Variants in ACADVL observed in about 807,000 individuals in gnomAD.
The protein encoded by ACADVL is acyl-CoA dehydrogenase very long chain.
In ACADVL, 73 loss-of-function variants were observed where a neutral mutation model predicts 80.4. That is an observed-to-expected ratio of 0.91 (90% confidence interval 0.75 to 1.10). The LOEUF (loss-of-function observed/expected upper bound fraction) is 1.10, where lower values mean the gene tolerates loss of function less well. Ranked by LOEUF, ACADVL falls within the 50% of genes least tolerant of loss-of-function variation. ACADVL has a pLI of 0.00. For missense variants in ACADVL, 878 were observed against 858.9 expected (o/e 1.02, Z -0.28); for synonymous variants, 392 against 326.5 (o/e 1.20, Z -2.16).
At chr17:7,218,610 G>T, upstream of ACADVL, 1 of 1,565,722 alleles carries the variant, frequency 6.4e-7, no homozygotes, top group Non-Finnish European at 8.7e-7. Context: ...AGCAGTGGGG[G>T]TGCCAGGAGC....
chr17:7,224,610 C>CCG, intron 17 of ACADVL, 32 bp from the exon 18 acceptor site: 1 of 920,228 alleles, frequency 1.1e-6, no homozygotes, highest in Non-Finnish European at 1.6e-6. Flanking sequence ...ACTAATGCCC[C>CCG]CACCCCCACC....
chr17:7,220,004 C>A lies in ACADVL; in HGVS notation c.20C>A (p.Ala7Asp), dbSNP rs2142959240. ...TCGGAGATGCAGGCGGCTCGGATGG[C>A]CGCGAGCTTGGGGCGGCAGCTGCTG... MQAARM[A>D]ASLGRQLLRL... is the part of the protein sequence containing the mutation. Residue 7 changes from alanine (A) to aspartate (D), a missense_variant, in exon 1 of 20, where the codon GCC becomes GAC. Coordinates refer to ENST00000356839, the MANE Select transcript of ACADVL (RefSeq NM_000018.4). 1 of 1,603,890 alleles carries A rather than the reference C, an allele frequency of 6.2e-7. No homozygotes were observed. The highest frequency in any genetic ancestry group is 8.5e-7 in the Non-Finnish European group (1 of 1,178,458).
rs2071298960 is a variant in ACADVL at position 7,222,878 on chromosome 17, C to T, written c.1077+13C>T. The T allele has an allele frequency of 6.2e-7, 1 of 1,609,774 alleles. No homozygotes were observed. Reference sequence around the variant, plus strand: ...CATTGCTAAGGCGGTGAGTACCCTGCCCGAGTCCCTAGGTAACCCAAACAG... The same window carrying T: ...CATTGCTAAGGCGGTGAGTACCCTGTCCGAGTCCCTAGGTAACCCAAACAG... On this transcript the variant is annotated intron_variant, in intron 10 of 19. Coordinates refer to ENST00000356839, the MANE Select transcript of ACADVL (RefSeq NM_000018.4).
At chr17:7,220,294 C>T (rs1183046359) in intron 2 of ACADVL, 97 bp downstream of exon 2, 4 of 1,500,022 alleles carry the variant, frequency 2.7e-6, no homozygotes, top group Non-Finnish European at 3.6e-6. Flanking sequence ...CAGGTACCTG[C>T]CTACTGCTCA....
At chr17:7,217,367 T>G (rs954286284), upstream of ACADVL, 10 of 124,088 alleles carry the variant, frequency 8.1e-5, no homozygotes, top group Admixed American at 2.9e-4. Flanking sequence ...GGCTCCCCAG[T>G]GGAGGGGAGG....
chr17:7,219,464 C>T (rs2071081142), upstream of ACADVL: 1 of 1,037,106 alleles, frequency 9.6e-7, no homozygotes, highest in African/African-American at 1.7e-5. Context: ...GAAGAATACA[C>T]TTAGGGTACT....
chr17:7,221,497 C>A, intron 6 of ACADVL, 41 bp from the exon 7 acceptor site: 1 of 1,612,484 alleles, frequency 6.2e-7, no homozygotes, highest in Non-Finnish European at 8.5e-7. Flanking sequence ...TCAGGTCCCC[C>A]TGCAGCCAGT....
upstream of ACADVL, chr17:7,218,713 C>T: frequency 6.5e-7 from 1 of 1,541,166 alleles, no homozygotes; most frequent in Non-Finnish European, 8.9e-7. Flanking sequence ...CACTTCATCT[C>T]CCCAGACTGT....
At chr17:7,221,912 C>G (rs748338462) in intron 7 of ACADVL, 40 bp from the exon 8 acceptor site, 2 of 1,613,728 alleles carry the variant, frequency 1.2e-6, no homozygotes, top group South Asian at 2.2e-5. Flanking sequence ...GACTTTGAAG[C>G]TCATCAGAAC....
chr17:7,220,837 A>G lies in ACADVL; in HGVS notation c.342+7A>G. ...TGTGTCCCGTTTCTTCGAGGTAAGGAATGACTCGGGGCTTGGTCCCTGGTG... is the reference window on the plus strand; with the variant it reads ...TGTGTCCCGTTTCTTCGAGGTAAGGGATGACTCGGGGCTTGGTCCCTGGTG... On this transcript the variant is annotated splice_region_variant and intron_variant, in intron 5 of 19. Transcript: ENST00000356839. The G allele has an allele frequency of 1.2e-6, 2 of 1,614,064 alleles. No individual in the cohort carries two copies. The highest frequency in any genetic ancestry group is 1.7e-6 in the Non-Finnish European group (2 of 1,180,022).
chr17:7,222,987 C>G (rs1190416210), intron 10 of ACADVL, 122 bp downstream of exon 10: 1 of 1,452,210 alleles, frequency 6.9e-7, no homozygotes. Flanking sequence ...ACCAGCAGCC[C>G]GACTTGCTAG....
Position 7,224,837 on chromosome 17 carries a change from C to T in ACADVL, c.1780C>T (p.Pro594Ser). Reference sequence around the variant, plus strand: ...CTCAAGATCCCTGAGTGAGGGCCACCCCACGGCCCAGCATGAGAAAATGCT... The same window carrying T: ...CTCAAGATCCCTGAGTGAGGGCCACTCCACGGCCCAGCATGAGAAAATGCT... ...RASRSLSEGH[P>S]TAQHEKMLCD... The change falls in exon 19 of 20, where the codon CCC (proline) becomes TCC (serine). Residue 594 changes from proline (P) to serine (S), a missense_variant. Transcript: ENST00000356839. The T allele has an allele frequency of 6.2e-7, 1 of 1,614,050 alleles. No individual in the cohort carries two copies. The highest frequency in any genetic ancestry group is 8.5e-7 in the Non-Finnish European group (1 of 1,180,016).
At chr17:7,218,092 C>T, upstream of ACADVL, 1 of 721,046 alleles carries the variant, frequency 1.4e-6, no homozygotes, top group Non-Finnish European at 2.3e-6. Context: ...ACAGAGAGTG[C>T]ATTCTCGGTG....
In ACADVL at chr17:7,222,427, T is replaced by C. The variant is rs2071275798; in HGVS notation, c.878+125T>C. 3.5e-6 allele frequency: 5 copies of C among 1,415,230 alleles called. No homozygotes were observed. In the South Asian group the frequency reaches 6.8e-5, roughly 19 times the overall value. The allele number at this position is 1,415,230 out of a possible 1,614,324, so 87.7% of individuals were successfully genotyped here. ...CAAAGCAGGTGGACTGAATGTGGCCTTTGGGACTAATATGTATGCAACTGA... is the reference window on the plus strand; with the variant it reads ...CAAAGCAGGTGGACTGAATGTGGCCCTTGGGACTAATATGTATGCAACTGA... On this transcript the variant is annotated intron_variant, in intron 9 of 19. Transcript: ENST00000356839.
upstream of ACADVL, chr17:7,217,924 G>A (rs2071010325): frequency 4.5e-6 from 5 of 1,115,636 alleles, no homozygotes; most frequent in South Asian, 2.8e-5. Flanking sequence ...TAGGGGGTCG[G>A]GTGTGAGGGA....
upstream of ACADVL, chr17:7,218,856 C>T (rs776152957): frequency 4.3e-6 from 7 of 1,613,670 alleles, no homozygotes; most frequent in Admixed American, 3.3e-5. Flanking sequence ...ACATCTCTCT[C>T]TTCTCTCACT....
intron 7 of ACADVL, 73 bp downstream of exon 7, chr17:7,221,755 T>C (rs2071239437): frequency 1.2e-6 from 2 of 1,608,638 alleles, no homozygotes; most frequent in Non-Finnish European, 1.7e-6. Flanking sequence ...AGTTGGCACT[T>C]AGATTATCAG....
At chr17:7,222,406 G>A in intron 9 of ACADVL, 104 bp downstream of exon 9, 1 of 1,508,744 alleles carries the variant, frequency 6.6e-7, no homozygotes, top group South Asian at 1.2e-5. Context: ...AAAAGCCAAA[G>A]CAGGTGGACT....
chr17:7,218,945 C>G, upstream of ACADVL: 1 of 1,364,812 alleles, frequency 7.3e-7, no homozygotes, highest in Non-Finnish European at 1.0e-6. Context: ...AGTAGGCCGT[C>G]TCTGAGCCGA....
Sources: allele counts gnomAD v4.1 joint callset, GRCh38; gene constraint gnomAD v4.1.1; transcripts MANE v1.5; gene names NCBI Gene and HGNC (gene_info 2026-07-23, HGNC 2026-07-21).